Variants in ZC4H2 observed in about 807,000 individuals in gnomAD.
ZC4H2 encodes the protein zinc finger C4H2-type containing, also known as zinc finger C4H2 domain-containing protein.
For synonymous variants in ZC4H2, 84 were observed against 66.3 expected (o/e 1.27, Z -1.30); for missense variants, 137 against 173.9 (o/e 0.79, Z 1.19).
chrX:65,034,086 CAA>C (rs768065058), intron 1 of ZC4H2, among the ~76,000 whole-genome samples: 58 of 45,123 alleles, frequency 1.3e-3, no homozygotes, highest in African/African-American at 1.5e-3. Context: ...AAGACTTTGT[CAA>C]AAAAAAAAAA....
intron 1 of ZC4H2, among the ~76,000 whole-genome samples, chrX:65,023,501 A>T (rs1932852433): frequency 8.9e-6 from 1 of 111,821 alleles, no homozygotes; most frequent in Non-Finnish European, 1.9e-5. Flanking sequence ...CAAACATATA[A>T]AAAAAAGCTC....
chrX:64,954,356 T>TTATATA lies in ZC4H2; in HGVS notation c.53+21963_53+21968dup, dbSNP rs777562741. 3.0e-4 allele frequency among the ~76,000 whole-genome samples: 20 copies of TTATATA among 67,366 alleles called. 1 individual carries two copies. Among genetic ancestry groups the TTATATA allele is most frequent in the African/African-American group, 2.8e-3 (20 of 7,186 alleles). 58.5% of individuals were successfully genotyped at this position (67,366 alleles called of 115,157 possible). A position where few individuals can be genotyped will look rare whatever the true frequency, so the allele number is the denominator to read the frequency against. ...TATATATAATTATATATATATATAA[T>TTATATA]TATATATATATATATAATTATATAT... On this transcript the variant is annotated intron_variant, in intron 1 of 4. Transcript: ENST00000374839.
At chrX:64,954,296 T>C (rs1210224732) in intron 1 of ZC4H2, among the ~76,000 whole-genome samples, 1 of 87,172 alleles carries the variant, frequency 1.1e-5, no homozygotes, top group Non-Finnish European at 2.1e-5. Context: ...TGTACACATG[T>C]ACCCTAAAAC....
chrX:65,030,972 C>G (rs934852798), intron 1 of ZC4H2, among the ~76,000 whole-genome samples: 2 of 111,234 alleles, frequency 1.8e-5, no homozygotes, highest in Non-Finnish European at 3.8e-5. Flanking sequence ...TATAAATTCC[C>G]ACTTATAAAT....
intron 1 of ZC4H2, among the ~76,000 whole-genome samples, chrX:65,020,229 T>C (rs1231990059): frequency 9.0e-6 from 1 of 111,044 alleles, no homozygotes; most frequent in Non-Finnish European, 1.9e-5. Flanking sequence ...CCAAGACACA[T>C]AATCATCAGA....
chrX:64,951,407 A>C (rs1337064508), intron 1 of ZC4H2, among the ~76,000 whole-genome samples: 1 of 111,872 alleles, frequency 8.9e-6, no homozygotes, highest in Non-Finnish European at 1.9e-5. Context: ...ACTAGTTTAC[A>C]GTCCCACCAA....
intron 1 of ZC4H2, among the ~76,000 whole-genome samples, chrX:64,950,858 A>G (rs1282820547): frequency 1.8e-5 from 2 of 110,420 alleles, no homozygotes; most frequent in Non-Finnish European, 3.8e-5. Flanking sequence ...CACAATGTGC[A>G]GGTTAGTTAC....
chrX:64,952,566 C>T (rs1336467973), intron 1 of ZC4H2, among the ~76,000 whole-genome samples: 5 of 111,156 alleles, frequency 4.5e-5, no homozygotes, highest in Non-Finnish European at 7.5e-5. Context: ...CTCCCTTTCA[C>T]AGTTGCTTCA....
At chrX:64,995,763 T>C (rs1932206) in intron 1 of ZC4H2, among the ~76,000 whole-genome samples, 16,050 of 111,677 alleles carry the variant, frequency 0.14, 2,764 homozygotes, top group African/African-American at 0.49. Flanking sequence ...ATGCAAACTA[T>C]TTTCTAACTG....
intron 2 of ZC4H2, among the ~76,000 whole-genome samples, chrX:64,921,615 G>A (rs1224626540): frequency 1.8e-5 from 2 of 110,978 alleles, no homozygotes; most frequent in Non-Finnish European, 3.8e-5. Flanking sequence ...CAGAGAGAAG[G>A]GACTTGTCCA....
chrX:64,937,652 T>C, intron 1 of ZC4H2, among the ~76,000 whole-genome samples: 1 of 111,231 alleles, frequency 9.0e-6, no homozygotes, highest in East Asian at 2.8e-4. Context: ...CACAACTACA[T>C]GCAAACTGAA....
chrX:64,948,919 A>G (rs1379429033), intron 1 of ZC4H2, among the ~76,000 whole-genome samples: 1 of 112,197 alleles, frequency 8.9e-6, no homozygotes, highest in East Asian at 2.8e-4. Context: ...AAAAATTAAT[A>G]TTGTAAAACA....
chrX:64,974,804 C>A (rs752266374), intron 1 of ZC4H2, among the ~76,000 whole-genome samples: 1 of 109,090 alleles, frequency 9.2e-6, no homozygotes, highest in Admixed American at 9.8e-5. Flanking sequence ...TTGCTCACAA[C>A]TGGTCCTTCT....
chrX:64,984,665 C>A (rs894245942), intron 1 of ZC4H2, among the ~76,000 whole-genome samples: 2 of 111,614 alleles, frequency 1.8e-5, no homozygotes, highest in Non-Finnish European at 3.8e-5. Context: ...GGGAGGCTAG[C>A]AATCTTGTGA....
chrX:64,951,677 T>C (rs1299747253), intron 1 of ZC4H2, among the ~76,000 whole-genome samples: 1 of 111,345 alleles, frequency 9.0e-6, no homozygotes, highest in Admixed American at 9.5e-5. Flanking sequence ...TTTGTTTGAG[T>C]TCATTGTAGA....
chrX:64,965,414 C>T (rs1165694512), intron 1 of ZC4H2: 3 of 302,672 alleles, frequency 9.9e-6, no homozygotes, highest in African/African-American at 2.8e-5. Context: ...AGTGAAACAG[C>T]TGAACATCCA....
chrX:64,955,263 CA>C (rs1368288816), intron 1 of ZC4H2, among the ~76,000 whole-genome samples: 1 of 111,627 alleles, frequency 9.0e-6, no homozygotes, highest in Non-Finnish European at 1.9e-5. Flanking sequence ...ATTCAGTTGT[CA>C]TTTTCAATGC....
intron 1 of ZC4H2, among the ~76,000 whole-genome samples, chrX:65,029,696 G>C (rs919858564): frequency 9.0e-6 from 1 of 111,634 alleles, no homozygotes; most frequent in Non-Finnish European, 1.9e-5. Flanking sequence ...GTCTATGTGA[G>C]ACTGGAGGAA....
chrX:64,935,259 G>C (rs1472439199), intron 1 of ZC4H2, among the ~76,000 whole-genome samples: 2 of 111,788 alleles, frequency 1.8e-5, no homozygotes, highest in African/African-American at 6.5e-5. Context: ...AGTTTGCTGT[G>C]GCCAGACTGC....
Sources: allele counts gnomAD v4.1 joint callset (sites outside exome capture counted in the v4.1 genomes callset), GRCh38; gene constraint gnomAD v4.1.1; transcripts MANE v1.5; gene names NCBI Gene and HGNC (gene_info 2026-07-23, HGNC 2026-07-21).